The following GRM7 variants were observed in gnomAD, a reference collection of about 807,000 sequenced individuals.
GRM7 encodes glutamate metabotropic receptor 7, also known as metabotropic glutamate receptor 7.
Under a neutral mutation model 84.5 loss-of-function variants are expected in GRM7, and 35 were observed. The observed-to-expected ratio is 0.41, with a 90% CI of 0.32 to 0.55. The LOEUF is 0.55. Ranked by LOEUF, GRM7 falls within the 20% of genes least tolerant of loss-of-function variation. The pLI is 0.19. For synonymous variants in GRM7, 487 were observed against 455.1 expected, an observed-to-expected ratio of 1.07 and a Z score of -0.89; for missense variants, 1,003 against 1,194.6, an observed-to-expected ratio of 0.84 and a Z score of 2.36.
At chr3:7,668,755 GAGAT>G (rs1322441393) in intron 8 of GRM7, among the ~76,000 whole-genome samples, 2 of 152,242 alleles carry the variant, frequency 1.3e-5, no homozygotes, top group Non-Finnish European at 2.9e-5. Flanking sequence ...CATGAACTGA[GAGAT>G]AGAAGTTGAG....
chr3:7,429,709 C>A (rs1166632342), intron 5 of GRM7, among the ~76,000 whole-genome samples: 1 of 151,892 alleles, frequency 6.6e-6, no homozygotes, highest in Non-Finnish European at 1.5e-5. Context: ...TCTGGCAGCA[C>A]TGGAATTTGA....
At chr3:7,289,698 G>T (rs1041492088) in intron 2 of GRM7, among the ~76,000 whole-genome samples, 1 of 152,122 alleles carries the variant, frequency 6.6e-6, no homozygotes, top group Non-Finnish European at 1.5e-5. Flanking sequence ...ATGAGTTCAT[G>T]TCCTTTGTAG....
intron 2 of GRM7, among the ~76,000 whole-genome samples, chr3:7,282,517 A>G (rs964955380): frequency 6.6e-6 from 1 of 152,124 alleles, no homozygotes; most frequent in African/African-American, 2.4e-5. Flanking sequence ...CATCCAGAAT[A>G]CTCTCACATG....
intron 2 of GRM7, among the ~76,000 whole-genome samples, chr3:7,170,141 G>A (rs959694237): frequency 1.3e-5 from 2 of 152,176 alleles, no homozygotes; most frequent in South Asian, 2.1e-4. Context: ...GTGAAGTCAC[G>A]ACAGAAGCAT....
intron 7 of GRM7, among the ~76,000 whole-genome samples, chr3:7,570,425 A>C (rs1346530634): frequency 1.3e-5 from 2 of 152,338 alleles, no homozygotes; most frequent in East Asian, 3.9e-4. Context: ...CAGCCATTCC[A>C]CATGGGAGAA....
At chr3:7,082,558 C>T (rs1377377886) in intron 1 of GRM7, among the ~76,000 whole-genome samples, 3 of 152,030 alleles carry the variant, frequency 2.0e-5, no homozygotes, top group Non-Finnish European at 2.9e-5. Flanking sequence ...TTTTGACTTT[C>T]CAGTGTTATT....
intron 9 of GRM7, among the ~76,000 whole-genome samples, chr3:7,734,252 G>GA (rs775153985): frequency 5.4e-5 from 6 of 110,152 alleles, no homozygotes; most frequent in Admixed American, 1.7e-4. Context: ...AGGGGCGGGG[G>GA]GGGGGTTTCC....
intron 7 of GRM7, among the ~76,000 whole-genome samples, chr3:7,572,821 C>CAAAAAAAAAAAAAAAAAAAAA (rs1437470999): frequency 9.5e-5 from 2 of 20,992 alleles, no homozygotes; most frequent in African/African-American, 3.7e-4. Flanking sequence ...GACTCTATCT[C>CAAAAAAAAAAAAAAAAAAAAA]AAATATATAT....
intron 8 of GRM7, among the ~76,000 whole-genome samples, chr3:7,653,672 A>G (rs1165413481): frequency 1.3e-5 from 2 of 152,190 alleles, no homozygotes; most frequent in Non-Finnish European, 2.9e-5. Flanking sequence ...GCAGGATGTA[A>G]AATGAGATGA....
intron 1 of GRM7, among the ~76,000 whole-genome samples, chr3:7,092,091 C>T (rs1036409215): frequency 6.6e-6 from 1 of 152,114 alleles, no homozygotes; most frequent in Non-Finnish European, 1.5e-5. Context: ...TTTCTGCAAC[C>T]TCCACTTTCA....
chr3:6,969,461 A>G (rs1404376369), intron 1 of GRM7, among the ~76,000 whole-genome samples: 3 of 152,208 alleles, frequency 2.0e-5, no homozygotes, highest in Admixed American at 6.5e-5. Context: ...TTAGTGAATC[A>G]GTAAATAGAT....
intron 2 of GRM7, among the ~76,000 whole-genome samples, chr3:7,212,292 G>C (rs1279594136): frequency 6.6e-6 from 1 of 150,428 alleles, no homozygotes; most frequent in Non-Finnish European, 1.5e-5. Flanking sequence ...ATATCTACCT[G>C]GTTTTCCTAA....
At chr3:6,911,411 T>G (rs1436446343) in intron 1 of GRM7, among the ~76,000 whole-genome samples, 1 of 152,176 alleles carries the variant, frequency 6.6e-6, no homozygotes, top group Non-Finnish European at 1.5e-5. Context: ...GGACTTATGT[T>G]CCTTCATCCA....
intron 8 of GRM7, among the ~76,000 whole-genome samples, chr3:7,668,241 C>T (rs1173071240): frequency 6.6e-6 from 1 of 152,168 alleles, no homozygotes; most frequent in Admixed American, 6.5e-5. Flanking sequence ...CCACCGAGTA[C>T]CTTTTGCCTT....
At chr3:7,612,009 C>T (rs547006617) in intron 8 of GRM7, among the ~76,000 whole-genome samples, 1 of 152,208 alleles carries the variant, frequency 6.6e-6, no homozygotes, top group African/African-American at 2.4e-5. Flanking sequence ...CTTTTGTTAC[C>T]TTGAGGTCCT....
chr3:7,220,734 G>A (rs1696773569), intron 2 of GRM7, among the ~76,000 whole-genome samples: 1 of 152,198 alleles, frequency 6.6e-6, no homozygotes. Context: ...TGGGTGGTGT[G>A]ATGTGCCTGT....
intron 1 of GRM7, among the ~76,000 whole-genome samples, chr3:6,896,912 G>T (rs1044331958): frequency 6.6e-6 from 1 of 152,146 alleles, no homozygotes; most frequent in Non-Finnish European, 1.5e-5. Flanking sequence ...GTGTGCATGT[G>T]AATGTATGTG....
chr3:7,675,970 A>G (rs1357775273), intron 8 of GRM7, among the ~76,000 whole-genome samples: 1 of 152,168 alleles, frequency 6.6e-6, no homozygotes, highest in Middle Eastern at 3.2e-3. Flanking sequence ...GACAGAGAGA[A>G]TAGTTATAGC....
intron 2 of GRM7, among the ~76,000 whole-genome samples, chr3:7,157,296 A>G (rs1322185557): frequency 6.6e-6 from 1 of 152,204 alleles, no homozygotes; most frequent in Non-Finnish European, 1.5e-5. Context: ...CAGGATAAAC[A>G]TAGAATCTTG....
Sources: allele counts gnomAD v4.1 joint callset (sites outside exome capture counted in the v4.1 genomes callset), GRCh38; gene constraint gnomAD v4.1.1; transcripts MANE v1.5; gene names NCBI Gene and HGNC (gene_info 2026-07-23, HGNC 2026-07-21).